Variants in ASH1L observed in about 807,000 individuals in gnomAD.
The protein encoded by ASH1L is ASH1 like histone lysine methyltransferase, also known as histone-lysine N-methyltransferase ASH1L.
A neutral mutation model predicts 269.0 loss-of-function variants in ASH1L; 23 were observed. That is an observed-to-expected ratio of 0.09 (90% CI 0.06 to 0.12). The LOEUF is 0.12. Among genes scored for constraint, ASH1L ranks in the 10% least tolerant of loss-of-function variants. ASH1L has a pLI of 1.00. For synonymous variants in ASH1L, 1,187 were observed against 1,253.5 expected (o/e 0.95, Z 1.12); for missense variants, 2,912 against 3,567.8 (o/e 0.82, Z 4.68).
At chr1:155,540,719 A>G (rs898038401) in intron 1 of ASH1L, among the ~76,000 whole-genome samples, 2 of 151,564 alleles carry the variant, frequency 1.3e-5, no homozygotes, top group African/African-American at 4.9e-5. Context: ...CAGCGAGCTA[A>G]GATCACACCA....
chr1:155,541,043 A>G (rs1200436942), intron 1 of ASH1L, among the ~76,000 whole-genome samples: 3 of 152,086 alleles, frequency 2.0e-5, no homozygotes, highest in Non-Finnish European at 2.9e-5. Context: ...CTGGCAGATC[A>G]CCCTGCTAAG....
intron 3 of ASH1L, among the ~76,000 whole-genome samples, chr1:155,473,010 TTTTGTTATTGTATGTG>T (rs2148706485): frequency 1.3e-5 from 2 of 152,338 alleles, no homozygotes; most frequent in South Asian, 4.1e-4. Flanking sequence ...ATACAGTATG[TTTTGTTATTGTATGTG>T]TTTCTATATA....
rs553583868 is a variant in ASH1L at position 155,470,709 on chromosome 1, G to A, written c.4984+7177C>T. Among the ~76,000 whole-genome samples the A allele has an allele frequency of 8.7e-4, 132 of 151,918 alleles. 1 individual carries two copies. Among genetic ancestry groups the A allele is most frequent in the African/African-American group, 2.3e-3 (97 of 41,450 alleles). On this transcript the variant is annotated intron_variant, in intron 3 of 27. Coordinates refer to ENST00000392403, the MANE Select transcript of ASH1L (RefSeq NM_018489.3). ...TGGGACTACAGGCATGTGCCACCAT[G>A]CCTGGCTAATTTTTGTATTTTTAGT...
At chr1:155,361,028 G>T (rs148015261) in intron 12 of ASH1L, among the ~76,000 whole-genome samples, 2,504 of 151,816 alleles carry the variant, frequency 0.016, 35 homozygotes, top group Non-Finnish European at 0.026. Flanking sequence ...ATCACCTGAG[G>T]TCGGGAGTTT....
chr1:155,415,684 A>T, intron 6 of ASH1L, 60 bp downstream of exon 6: 2 of 1,539,388 alleles, frequency 1.3e-6, no homozygotes, highest in Non-Finnish European at 1.8e-6. Flanking sequence ...TTTGATAGTC[A>T]AAGTATTTTT....
chr1:155,486,590 C>T (rs892877241), intron 2 of ASH1L, among the ~76,000 whole-genome samples: 1 of 151,932 alleles, frequency 6.6e-6, no homozygotes, highest in African/African-American at 2.4e-5. Flanking sequence ...GGGATGAATA[C>T]CTCATTCTCT....
chr1:155,466,133 T>A (rs979995966), intron 3 of ASH1L, among the ~76,000 whole-genome samples: 4 of 152,122 alleles, frequency 2.6e-5, no homozygotes, highest in African/African-American at 7.2e-5. Context: ...GGCAGGCAGA[T>A]CACGAGGTCA....
At position 155,562,736 on chromosome 1, in the gene ASH1L, C is replaced by A; in HGVS notation, c.-683G>T. The A allele has an allele frequency of 7.6e-7, 1 of 1,317,754 alleles. No individual in the cohort carries two copies. The allele number at this position is 1,317,754 out of a possible 1,614,324, so 81.6% of individuals were successfully genotyped here. A position where few individuals can be genotyped will look rare whatever the true frequency, so the allele number is the denominator to read the frequency against. ...CCTCGTCCAGTCCCTCACTACCCCTCAGGCCCTGTCAAGCCGGCGCCGGCG... is the reference window on the plus strand; with the variant it reads ...CCTCGTCCAGTCCCTCACTACCCCTAAGGCCCTGTCAAGCCGGCGCCGGCG... On this transcript the variant is annotated 5_prime_UTR_variant, in exon 1 of 28. Transcript: ENST00000392403.
At chr1:155,434,344 T>C in intron 5 of ASH1L, 1 of 1,536,030 alleles carries the variant, frequency 6.5e-7, no homozygotes, top group Non-Finnish European at 8.8e-7. Context: ...CCAGGGCTTT[T>C]GGAATTAAGT....
At chr1:155,488,502 C>CAAA (rs368511587) in intron 2 of ASH1L, among the ~76,000 whole-genome samples, 7 of 41,304 alleles carry the variant, frequency 1.7e-4, no homozygotes, top group Admixed American at 3.0e-4. Context: ...ACTAAAAATA[C>CAAA]AAAAAAAAAA....
intron 15 of ASH1L, 94 bp from the exon 16 acceptor site, chr1:155,354,724 C>T (rs1403942243): frequency 7.3e-6 from 9 of 1,227,458 alleles, no homozygotes; most frequent in East Asian, 4.8e-5. Context: ...AGACGATATA[C>T]GTGAATTGAG....
chr1:155,378,061 CA>C (rs911497564), intron 10 of ASH1L, among the ~76,000 whole-genome samples: 20 of 150,236 alleles, frequency 1.3e-4, no homozygotes, highest in Non-Finnish European at 2.5e-4. Context: ...AAAAAACAAA[CA>C]AAAAAAAAGT....
At chr1:155,536,560 C>T (rs1558203646) in intron 1 of ASH1L, among the ~76,000 whole-genome samples, 1 of 152,046 alleles carries the variant, frequency 6.6e-6, no homozygotes, top group Non-Finnish European at 1.5e-5. Flanking sequence ...CTCAACAGCT[C>T]CCATATATGA....
chr1:155,506,107 C>T (rs1219677655), intron 2 of ASH1L, among the ~76,000 whole-genome samples: 1 of 152,066 alleles, frequency 6.6e-6, no homozygotes, highest in East Asian at 1.9e-4. Flanking sequence ...TCTGCCCTTG[C>T]AATAGTTTGC....
At chr1:155,491,946 T>C (rs1666816935) in intron 2 of ASH1L, among the ~76,000 whole-genome samples, 1 of 151,948 alleles carries the variant, frequency 6.6e-6, no homozygotes, top group South Asian at 2.1e-4. Flanking sequence ...GTGCTGGGAT[T>C]ACAGGCGTGA....
At chr1:155,492,907 T>C (rs998012961) in intron 2 of ASH1L, among the ~76,000 whole-genome samples, 1 of 152,100 alleles carries the variant, frequency 6.6e-6, no homozygotes, top group Non-Finnish European at 1.5e-5. Context: ...GCCACAACTT[T>C]TGCCCCCCCA....
intron 1 of ASH1L, among the ~76,000 whole-genome samples, chr1:155,529,987 A>T (rs1423113850): frequency 1.3e-5 from 2 of 151,990 alleles, no homozygotes; most frequent in African/African-American, 4.8e-5. Flanking sequence ...AAAAATAAAA[A>T]AAAAAGAAGT....
intron 1 of ASH1L, among the ~76,000 whole-genome samples, chr1:155,558,109 G>GTAATAATAATA (rs1398164947): frequency 2.0e-4 from 30 of 152,248 alleles, no homozygotes; most frequent in Middle Eastern, 3.4e-3. Flanking sequence ...AAGCATGGAG[G>GTAATAATAATA]AAGACTCAGA....
At chr1:155,485,325 A>AT (rs1334520795) in intron 2 of ASH1L, among the ~76,000 whole-genome samples, 14 of 147,940 alleles carry the variant, frequency 9.5e-5, no homozygotes, top group South Asian at 2.1e-4. Context: ...TTTTATTTTT[A>AT]TTTTTTTTTA....
Sources: gnomAD v4.1 joint callset for allele counts (sites outside exome capture counted in the v4.1 genomes callset) on GRCh38, gnomAD v4.1.1 for gene constraint, MANE v1.5 for transcripts, NCBI Gene and HGNC (gene_info 2026-07-23, HGNC 2026-07-21) for gene names.